ARMC3: variants seen among roughly 807,000 people sequenced by gnomAD.
ARMC3 encodes the protein armadillo repeat containing 3, also known as armadillo repeat-containing protein 3.
Under a neutral mutation model 90.3 loss-of-function variants are expected in ARMC3, and 74 were observed. The ratio of observed to expected loss-of-function variants is 0.82; its 90% CI spans 0.68 to 0.99. The LOEUF is 0.99. Among genes scored for constraint, ARMC3 ranks in the 50% least tolerant of loss-of-function variants. The probability of loss-of-function intolerance (pLI) is 0.00; values close to 1 mark genes in which losing one functional copy is unlikely to be tolerated. For missense variants in ARMC3, 958 were observed against 1,042.8 expected (o/e 0.92, Z 1.12); for synonymous variants, 334 against 361.8 (o/e 0.92, Z 0.87).
intron 8 of ARMC3, among the ~76,000 whole-genome samples, chr10:22,969,102 A>G (rs1835572163): frequency 6.6e-6 from 1 of 152,224 alleles, no homozygotes; most frequent in African/African-American, 2.4e-5. Flanking sequence ...AGAGCATTGA[A>G]GAAATCCACA....
At chr10:22,931,141 A>T (rs746432243) in intron 1 of ARMC3, among the ~76,000 whole-genome samples, 1 of 152,110 alleles carries the variant, frequency 6.6e-6, no homozygotes, top group Admixed American at 6.5e-5. Flanking sequence ...GTTGGCCAGG[A>T]TGGTCTTGAA....
chr10:23,011,100 C>A (rs561768532), intron 16 of ARMC3, among the ~76,000 whole-genome samples: 3 of 151,562 alleles, frequency 2.0e-5, no homozygotes, highest in Admixed American at 6.6e-5. Context: ...ACCCTTTGGC[C>A]TCTCTGAGCC....
intron 6 of ARMC3, 157 bp downstream of exon 6, chr10:22,959,731 C>T (rs779792072): frequency 4.1e-6 from 3 of 730,390 alleles, no homozygotes; most frequent in Admixed American, 5.7e-5. Context: ...ATAATGGAAG[C>T]TTAATGTAGA....
intron 8 of ARMC3, among the ~76,000 whole-genome samples, chr10:22,978,333 G>A (rs1388861982): frequency 6.6e-6 from 1 of 152,182 alleles, no homozygotes; most frequent in East Asian, 1.9e-4. Context: ...TTGCAGGGTG[G>A]CAGGAGAGAG....
At chr10:23,028,670 G>C (rs1268845700) in intron 16 of ARMC3, among the ~76,000 whole-genome samples, 1 of 152,160 alleles carries the variant, frequency 6.6e-6, no homozygotes, top group East Asian at 1.9e-4. Context: ...TCATTCCCAT[G>C]TCAGTTGAAT....
chr10:23,010,599 CT>C (rs1334343796), intron 16 of ARMC3, among the ~76,000 whole-genome samples: 1 of 136,420 alleles, frequency 7.3e-6, no homozygotes, highest in Non-Finnish European at 1.6e-5. Flanking sequence ...CTTCCCTTCT[CT>C]CTCCCTTCCT....
intron 18 of ARMC3, 68 bp from the exon 19 acceptor site, chr10:23,037,199 CAAT>C (rs1229396422): frequency 1.2e-5 from 16 of 1,314,010 alleles, no homozygotes; most frequent in Non-Finnish European, 1.7e-5. Flanking sequence ...TCAAGGTGTG[CAAT>C]TACAAATAGG....
At chr10:23,017,223 A>G (rs958270835) in intron 16 of ARMC3, among the ~76,000 whole-genome samples, 1 of 152,196 alleles carries the variant, frequency 6.6e-6, no homozygotes, top group Non-Finnish European at 1.5e-5. Flanking sequence ...TGCAGCAAAT[A>G]TAATATTTAA....
rs760585055 is a variant in ARMC3, at chr10:23,003,391, G to A, written c.1708G>A (p.Asp570Asn). 1.2e-5 allele frequency: 20 copies of A among 1,608,990 alleles called. No individual in the cohort carries two copies. The highest frequency in any genetic ancestry group is 1.1e-5 in the South Asian group (1 of 89,440). ...TTTGTCATCAAGTAACATAATTAAC[G>A]ATGGATTCTATGATTATGGTCGGGT... ...GYLSSSNIIN[D>N]GFYDYGRINP... The change falls in exon 13 of 19, where the codon GAT (aspartate) becomes AAT (asparagine). Residue 570 changes from aspartate (D) to asparagine (N), a missense_variant. Physicochemically the swap from Asp to Asn is conservative, Grantham distance 23 (BLOSUM62 1). Coordinates refer to ENST00000298032, the MANE Select transcript of ARMC3 (RefSeq NM_173081.5).
intron 10 of ARMC3, among the ~76,000 whole-genome samples, chr10:22,988,769 C>T (rs536537257): frequency 6.6e-6 from 1 of 152,250 alleles, no homozygotes; most frequent in African/African-American, 2.4e-5. Flanking sequence ...ATGTTAACAC[C>T]CTATTCTTAG....
intron 13 of ARMC3, among the ~76,000 whole-genome samples, chr10:23,005,678 A>G (rs1046565043): frequency 6.6e-6 from 1 of 152,192 alleles, no homozygotes; most frequent in Admixed American, 6.5e-5. Context: ...CAGCTGACCA[A>G]CATGGCGAAA....
chr10:22,974,346 A>T (rs542423194), intron 8 of ARMC3, among the ~76,000 whole-genome samples: 178 of 152,298 alleles, frequency 1.2e-3, no homozygotes, highest in African/African-American at 4.1e-3. Context: ...CTTCACTACC[A>T]CTAGGTCCAA....
intron 6 of ARMC3, chr10:22,960,140 A>C: frequency 4.1e-6 from 1 of 241,838 alleles, no homozygotes; most frequent in South Asian, 4.1e-5. Context: ...CAACCCCCAG[A>C]ATACACACAC....
chr10:23,007,629 G>A (rs1208434018), intron 14 of ARMC3, among the ~76,000 whole-genome samples: 2 of 150,916 alleles, frequency 1.3e-5, no homozygotes, highest in East Asian at 1.9e-4. Flanking sequence ...CCCGGGAGGC[G>A]GATGTTGCAG....
intron 4 of ARMC3, among the ~76,000 whole-genome samples, chr10:22,958,683 T>G (rs1327443034): frequency 2.0e-5 from 3 of 152,114 alleles, no homozygotes; most frequent in Non-Finnish European, 2.9e-5. Flanking sequence ...ATAATAATAT[T>G]ACCTGTCTCA....
At chr10:22,940,711 C>G (rs1245708004) in intron 2 of ARMC3, among the ~76,000 whole-genome samples, 1 of 152,112 alleles carries the variant, frequency 6.6e-6, no homozygotes, top group Non-Finnish European at 1.5e-5. Flanking sequence ...GTCTTGAATT[C>G]TCGGCCTCAA....
chr10:23,030,097 AT>A (rs1188659432), intron 16 of ARMC3, among the ~76,000 whole-genome samples: 1 of 152,220 alleles, frequency 6.6e-6, no homozygotes, highest in African/African-American at 2.4e-5. Context: ...CATAATATAT[AT>A]CAATCACACA....
intron 16 of ARMC3, among the ~76,000 whole-genome samples, chr10:23,019,813 G>T (rs1275411812): frequency 6.6e-6 from 1 of 152,088 alleles, no homozygotes; most frequent in Non-Finnish European, 1.5e-5. Flanking sequence ...CCAAAGTGCT[G>T]GGATGACATG....
At chr10:22,946,630 T>C (rs1002090769) in intron 3 of ARMC3, 5 of 156,770 alleles carry the variant, frequency 3.2e-5, no homozygotes, top group Non-Finnish European at 5.6e-5. Flanking sequence ...GAGTCCATAC[T>C]GATATAAATA....
Sources: gnomAD v4.1 joint callset for allele counts (sites outside exome capture counted in the v4.1 genomes callset) on GRCh38, gnomAD v4.1.1 for gene constraint, MANE v1.5 for transcripts, NCBI Gene and HGNC (gene_info 2026-07-23, HGNC 2026-07-21) for gene names.